The following PDE7B variants were observed in gnomAD, a reference collection of about 807,000 sequenced individuals.
The protein encoded by PDE7B is 3',5'-cyclic-AMP phosphodiesterase 7B.
PDE7B carries 29 observed loss-of-function variants against 56.2 expected under a neutral mutation model. The ratio of observed to expected loss-of-function variants is 0.52; its 90% CI spans 0.38 to 0.70. PDE7B has a LOEUF of 0.70. PDE7B is among the 30% of genes least tolerant of loss of function. The pLI, the probability that PDE7B is intolerant of heterozygous loss-of-function variation, is 0.00. For missense variants in PDE7B, 490 were observed against 565.0 expected (o/e 0.87, Z 1.35); for synonymous variants, 197 against 196.9 (o/e 1.00, Z 0.00).
rs1339322671 is a variant in PDE7B at position 136,102,036 on chromosome 6, G to A, written c.83-6695G>A. Among the ~76,000 whole-genome samples, 3 of 152,330 alleles carry A rather than the reference G, an allele frequency of 2.0e-5. No individual in the cohort carries two copies. The East Asian group carries it at 5.8e-4, about 29-fold the overall frequency. ...GGTCTCTGTTGTGGAGAATGGAGAT[G>A]CTGGCCACGTGCAGGAGTGCTTTAG... On this transcript the variant is annotated intron_variant, in intron 2 of 12. Transcript: ENST00000308191.
At chr6:135,935,606 CA>C (rs1774407620) in intron 1 of PDE7B, among the ~76,000 whole-genome samples, 1 of 152,086 alleles carries the variant, frequency 6.6e-6, no homozygotes, top group African/African-American at 2.4e-5. Flanking sequence ...ATGAACTATA[CA>C]GAAAGCCTCT....
At chr6:135,931,945 ACG>A (rs35929261) in intron 1 of PDE7B, among the ~76,000 whole-genome samples, 15,251 of 83,934 alleles carry the variant, frequency 0.18, 849 homozygotes, top group East Asian at 0.33. Context: ...GCACACACAC[ACG>A]CGCGCGCACA....
At chr6:136,085,414 G>T (rs1339696943) in intron 2 of PDE7B, among the ~76,000 whole-genome samples, 2 of 152,200 alleles carry the variant, frequency 1.3e-5, no homozygotes, top group Non-Finnish European at 2.9e-5. Context: ...TTATGCCAAA[G>T]TGCTGTCCTG....
At chr6:136,112,128 G>A (rs1257005985) in intron 3 of PDE7B, among the ~76,000 whole-genome samples, 1 of 152,020 alleles carries the variant, frequency 6.6e-6, no homozygotes, top group African/African-American at 2.4e-5. Flanking sequence ...GCACGCAAGA[G>A]CAGAAATGTA....
At chr6:136,025,745 A>G (rs1241076925) in intron 2 of PDE7B, among the ~76,000 whole-genome samples, 1 of 152,246 alleles carries the variant, frequency 6.6e-6, no homozygotes, top group Non-Finnish European at 1.5e-5. Flanking sequence ...TCCACCAGAC[A>G]CAAGTCTGTC....
At chr6:136,185,039 G>A (rs1205071525) in intron 11 of PDE7B, among the ~76,000 whole-genome samples, 1 of 152,162 alleles carries the variant, frequency 6.6e-6, no homozygotes, top group Non-Finnish European at 1.5e-5. Context: ...CAGAATTACG[G>A]AGGTGAGGAG....
intron 2 of PDE7B, among the ~76,000 whole-genome samples, chr6:136,103,744 T>A (rs1020663350): frequency 1.3e-5 from 2 of 152,212 alleles, no homozygotes; most frequent in East Asian, 1.9e-4. Flanking sequence ...AACCTGTTTA[T>A]ACCAAGAACG....
rs79509951 is a variant in PDE7B at position 135,927,066 on chromosome 6, C to T, written c.22-20398C>T. The stretch of plus-strand genomic sequence containing the variant: ...ACTTGTTAGCATATAGTTTAATGAG[C>T]TTTTTCTGGAGAAAATGCGTTTCTT... On this transcript the variant is annotated intron_variant, in intron 1 of 12. Transcript: ENST00000308191. Among the ~76,000 whole-genome samples the T allele has an allele frequency of 1.1e-4, 16 of 152,310 alleles. 1 individual carries two copies. Among genetic ancestry groups the T allele is most frequent in the East Asian group, 7.7e-4 (4 of 5,184 alleles).
intron 1 of PDE7B, among the ~76,000 whole-genome samples, chr6:135,906,818 T>TGTTTTTTTTTTTTTG (rs1440001507): frequency 6.9e-6 from 1 of 144,212 alleles, no homozygotes; most frequent in Non-Finnish European, 1.5e-5. Context: ...TTGTTTTTTT[T>TGTTTTTTTTTTTTTG]TTTTTTTTTT....
At chr6:136,053,564 G>A (rs958032167) in intron 2 of PDE7B, among the ~76,000 whole-genome samples, 1 of 152,028 alleles carries the variant, frequency 6.6e-6, no homozygotes, top group African/African-American at 2.4e-5. Context: ...AATCCTTTGG[G>A]TATATACCCA....
chr6:136,056,998 A>G (rs980303824), intron 2 of PDE7B, among the ~76,000 whole-genome samples: 9 of 152,158 alleles, frequency 5.9e-5, no homozygotes, highest in Non-Finnish European at 8.8e-5. Context: ...CTGGAGCCCA[A>G]TGGCCCTGTA....
Position 136,057,211 on chromosome 6 carries a change from A to G in PDE7B, c.83-51520A>G, listed in dbSNP as rs115093570. 6.0e-3 allele frequency among the ~76,000 whole-genome samples: 914 copies of G among 152,326 alleles called. 7 individuals are homozygous for G. Among genetic ancestry groups the G allele is most frequent in the African/African-American group, 0.021 (868 of 41,574 alleles). ...TTCTCATTTCTACTGATTACCCAGA[A>G]ATATTAAGTTGCCTTTTTATCTTAT... On this transcript the variant is annotated intron_variant, in intron 2 of 12. Transcript: ENST00000308191.
chr6:136,155,537 G>C (rs1778588905), intron 7 of PDE7B, 90 bp from the exon 8 acceptor site: 1 of 1,068,166 alleles, frequency 9.4e-7, no homozygotes, highest in African/African-American at 1.6e-5. Context: ...ACAATGCCAT[G>C]ATGATTCATT....
At chr6:135,959,143 T>C (rs1774853387) in intron 2 of PDE7B, among the ~76,000 whole-genome samples, 1 of 152,126 alleles carries the variant, frequency 6.6e-6, no homozygotes, top group South Asian at 2.1e-4. Context: ...TGTGACACAA[T>C]AGAAAAATTG....
At chr6:136,052,087 A>G (rs1199274605) in intron 2 of PDE7B, among the ~76,000 whole-genome samples, 2 of 152,180 alleles carry the variant, frequency 1.3e-5, no homozygotes, top group Non-Finnish European at 2.9e-5. Flanking sequence ...TCTTTGCACA[A>G]TATCTACCTA....
chr6:135,862,035 A>G (rs924741120), intron 1 of PDE7B, among the ~76,000 whole-genome samples: 1 of 151,930 alleles, frequency 6.6e-6, no homozygotes, highest in Non-Finnish European at 1.5e-5. Flanking sequence ...TTTTCCATAG[A>G]GGTAATCAGA....
rs760894388 is a variant in PDE7B at position 135,993,954 on chromosome 6, A to G, written c.82+46430A>G. Among the ~76,000 whole-genome samples the G allele has an allele frequency of 5.3e-5, 8 of 152,344 alleles. No individual in the cohort carries two copies. In the South Asian group the frequency reaches 1.2e-3, roughly 24 times the overall value. On this transcript the variant is annotated intron_variant, in intron 2 of 12. Coordinates refer to ENST00000308191, the MANE Select transcript of PDE7B (RefSeq NM_018945.4). Reference sequence around the variant, plus strand: ...AGAGGTATAATTAACTTGAGTAAGCAAAGTAATAAACAACAGCAGCCTGAA... The same window carrying G: ...AGAGGTATAATTAACTTGAGTAAGCGAAGTAATAAACAACAGCAGCCTGAA...
intron 2 of PDE7B, among the ~76,000 whole-genome samples, chr6:136,051,350 T>G (rs1201317511): frequency 2.0e-5 from 3 of 152,118 alleles, no homozygotes; most frequent in Non-Finnish European, 4.4e-5. Flanking sequence ...ACGTCAGCAG[T>G]TTAGATAAGT....
Position 135,906,810 on chromosome 6 carries a change from G to GTTTTTTTTTTT in PDE7B, c.22-40638_22-40628dup, listed in dbSNP as rs869049424. 6.7e-5 allele frequency among the ~76,000 whole-genome samples: 4 copies of GTTTTTTTTTTT among 59,542 alleles called. 1 individual carries two copies. The highest frequency in any genetic ancestry group is 9.0e-5 in the Non-Finnish European group (3 of 33,382). 39.1% of individuals were successfully genotyped at this position (59,542 alleles called of 152,430 possible). A position where few individuals can be genotyped will look rare whatever the true frequency, so the allele number is the denominator to read the frequency against. ...TTTGACTCAAATGTTAATGAGGTTT[G>GTTTTTTTTTTT]TTTTTTTTTTTTTTTTTTTTTTTTT... On this transcript the variant is annotated intron_variant, in intron 1 of 12. Transcript: ENST00000308191.
Sources: allele counts gnomAD v4.1 joint callset (sites outside exome capture counted in the v4.1 genomes callset), GRCh38; gene constraint gnomAD v4.1.1; transcripts MANE v1.5; gene names NCBI Gene and HGNC (gene_info 2026-07-23, HGNC 2026-07-21).